BACE2: variants seen among roughly 807,000 people sequenced by gnomAD.
The protein encoded by BACE2 is beta-secretase 2.
In BACE2, 17 loss-of-function variants were observed where a neutral mutation model predicts 46.2. The observed-to-expected ratio is 0.37, with a 90% CI of 0.25 to 0.55. The LOEUF is 0.55. Among genes scored for constraint, BACE2 ranks in the 20% least tolerant of loss-of-function variants. The probability of loss-of-function intolerance (pLI) is 0.82; values close to 1 mark genes in which losing one functional copy is unlikely to be tolerated. For missense variants in BACE2, 595 were observed against 698.1 expected (o/e 0.85, Z 1.66); for synonymous variants, 277 against 295.9 (o/e 0.94, Z 0.66).
chr21:41,231,440 C>A (rs1164116709), intron 2 of BACE2, among the ~76,000 whole-genome samples: 1 of 152,198 alleles, frequency 6.6e-6, no homozygotes, highest in African/African-American at 2.4e-5. Context: ...CTTTAGGAGA[C>A]TCAGCATTCC....
chr21:41,257,172 C>T lies in BACE2; in HGVS notation c.1149C>T (p.Pro383=). 1 of 1,614,168 alleles carries T rather than the reference C, an allele frequency of 6.2e-7. No homozygotes were observed. Among genetic ancestry groups the T allele is most frequent in the African/African-American group, 1.3e-5 (1 of 75,034 alleles). Residue 383 remains proline, a synonymous_variant, in exon 8 of 9, where the codon CCC becomes CCT. Coordinates refer to ENST00000330333, the MANE Select transcript of BACE2 (RefSeq NM_012105.5). The part of the protein sequence containing the change: ...ITILPQLYIQ[P]MMGAGLNYEC... ...CCGACAAACAGCTTTACATTCAGCC[C>T]ATGATGGGGGCCGGCCTGAATTATG...
At chr21:41,205,475 C>T (rs887629046) in intron 1 of BACE2, among the ~76,000 whole-genome samples, 5 of 152,148 alleles carry the variant, frequency 3.3e-5, no homozygotes, top group Admixed American at 1.3e-4. Context: ...TTCAGCAGGT[C>T]AGTTTTAAAT....
At chr21:41,246,446 A>G (rs1219313261) in intron 6 of BACE2, among the ~76,000 whole-genome samples, 1 of 152,210 alleles carries the variant, frequency 6.6e-6, no homozygotes, top group East Asian at 1.9e-4. Flanking sequence ...ATACTTGCTA[A>G]TATAGCTATG....
chr21:41,223,975 A>T (rs888806543), intron 1 of BACE2, among the ~76,000 whole-genome samples: 1 of 152,114 alleles, frequency 6.6e-6, no homozygotes, highest in Admixed American at 6.5e-5. Context: ...GGAGATGAGA[A>T]GCACCTGTCC....
At chr21:41,225,276 C>T (rs1434797353) in intron 1 of BACE2, among the ~76,000 whole-genome samples, 1 of 151,854 alleles carries the variant, frequency 6.6e-6, no homozygotes, top group African/African-American at 2.4e-5. Context: ...CAAAAAGTTT[C>T]ACTCCTAGGT....
At chr21:41,221,556 T>G (rs970142745) in intron 1 of BACE2, among the ~76,000 whole-genome samples, 2 of 152,212 alleles carry the variant, frequency 1.3e-5, no homozygotes, top group African/African-American at 4.8e-5. Context: ...CCGGGCGCGG[T>G]GGCTCACGCC....
At chr21:41,177,194 T>G (rs1320635399) in intron 1 of BACE2, 1 of 152,252 alleles carries the variant, frequency 6.6e-6, no homozygotes, top group African/African-American at 2.4e-5. Flanking sequence ...TGTTCCAGAA[T>G]GCAGAAATCC....
chr21:41,204,774 C>T (rs889529393), intron 1 of BACE2, among the ~76,000 whole-genome samples: 10 of 152,176 alleles, frequency 6.6e-5, no homozygotes, highest in African/African-American at 2.4e-4. Flanking sequence ...TGTCATTTCT[C>T]TTCTGGGTTA....
At chr21:41,174,672 A>G (rs971012149) in intron 1 of BACE2, among the ~76,000 whole-genome samples, 11 of 152,166 alleles carry the variant, frequency 7.2e-5, no homozygotes, top group African/African-American at 2.4e-4. Flanking sequence ...TCTTGCCCCA[A>G]CCCCACACTG....
Position 41,264,415 on chromosome 21 carries a change from C to A in BACE2, c.1303+7089C>A, listed in dbSNP as rs1988018286. On this transcript the variant is annotated intron_variant, in intron 8 of 8. Coordinates refer to ENST00000330333, the MANE Select transcript of BACE2 (RefSeq NM_012105.5). The stretch of plus-strand genomic sequence containing the variant: ...CTGGGCAACTGTGTTAGTTCATTCC[C>A]ATGCTGCTATAAAGACATACTGGGA... Among the ~76,000 whole-genome samples the A allele has an allele frequency of 2.6e-5, 4 of 151,942 alleles. No individual in the cohort carries two copies. In the South Asian group the frequency reaches 8.3e-4, roughly 32 times the overall value.
chr21:41,272,127 A>G (rs534967639), intron 8 of BACE2, among the ~76,000 whole-genome samples: 9 of 152,084 alleles, frequency 5.9e-5, no homozygotes, highest in Admixed American at 1.3e-4. Context: ...CCAGTACTTT[A>G]AAGATGTTAC....
At chr21:41,248,813 G>T (rs1987551767) in intron 6 of BACE2, among the ~76,000 whole-genome samples, 1 of 152,172 alleles carries the variant, frequency 6.6e-6, no homozygotes, top group Non-Finnish European at 1.5e-5. Context: ...TGCATACAGG[G>T]GCACCCGCAT....
At position 41,173,930 on chromosome 21, in the gene BACE2, C is replaced by T. The variant is rs191239632; in HGVS notation, c.312+5355C>T. Reference sequence around the variant, plus strand: ...GCTTCAGTATTTCATGTTTTAAAGACATTATAAGGCAACCCCCTTATCAAT... The same window carrying T: ...GCTTCAGTATTTCATGTTTTAAAGATATTATAAGGCAACCCCCTTATCAAT... On this transcript the variant is annotated intron_variant, in intron 1 of 8. Coordinates refer to ENST00000330333, the MANE Select transcript of BACE2 (RefSeq NM_012105.5). 1.8e-3 allele frequency among the ~76,000 whole-genome samples: 281 copies of T among 151,968 alleles called. 3 individuals carry two copies. Among genetic ancestry groups the T allele is most frequent in the African/African-American group, 6.6e-3 (272 of 41,422 alleles).
At chr21:41,236,705 GA>G in intron 2 of BACE2, 1 of 152,368 alleles carries the variant, frequency 6.6e-6, no homozygotes, top group African/African-American at 2.4e-5. Flanking sequence ...TTGTATGTGT[GA>G]ACCTGAACTC....
At chr21:41,188,180 G>A (rs1242418132) in intron 1 of BACE2, among the ~76,000 whole-genome samples, 1 of 152,156 alleles carries the variant, frequency 6.6e-6, no homozygotes, top group Non-Finnish European at 1.5e-5. Context: ...CCTGTGGGCC[G>A]TGTTTATAGA....
At position 41,241,861 on chromosome 21, in the gene BACE2, C is replaced by G; in HGVS notation, c.661C>G (p.Gln221Glu). The part of the protein sequence containing the change: ...LETFFDSLVT[Q>E]ANIPNVFSMQ... ...GACCTTCTTCGACTCCCTGGTGACA[C>G]AAGCAAACATCCCCAACGTTTTCTC... Residue 221 changes from glutamine to glutamate, a missense_variant, in exon 4 of 9, where the codon CAA (glutamine) becomes GAA (glutamate). This residue lies in a region of BACE2 where 343 missense variants were observed against 419.4 expected (regional missense o/e 0.82). Transcript: ENST00000330333. The G allele has an allele frequency of 6.2e-7, 1 of 1,614,216 alleles. No individual in the cohort carries two copies. The highest frequency in any genetic ancestry group is 8.5e-7 in the Non-Finnish European group (1 of 1,180,024).
chr21:41,247,587 G>A (rs189143675), intron 6 of BACE2, among the ~76,000 whole-genome samples: 1 of 152,348 alleles, frequency 6.6e-6, no homozygotes, highest in Admixed American at 6.5e-5. Context: ...TCCCGAGGAC[G>A]TGTTTGAAGC....
At chr21:41,213,602 G>A (rs1272203359) in intron 1 of BACE2, among the ~76,000 whole-genome samples, 3 of 152,046 alleles carry the variant, frequency 2.0e-5, no homozygotes, top group African/African-American at 4.8e-5. Flanking sequence ...GTGAAACCCC[G>A]TCTCTACTAA....
At chr21:41,229,464 T>G (rs1171909768) in intron 2 of BACE2, among the ~76,000 whole-genome samples, 6 of 152,232 alleles carry the variant, frequency 3.9e-5, no homozygotes, top group African/African-American at 1.4e-4. Context: ...ACTTTTTTCA[T>G]GGCAGATAAA....
Sources: allele counts gnomAD v4.1 joint callset (sites outside exome capture counted in the v4.1 genomes callset), GRCh38; gene constraint gnomAD v4.1.1; regional missense constraint gnomAD v4.1.1; transcripts MANE v1.5; gene names NCBI Gene and HGNC (gene_info 2026-07-23, HGNC 2026-07-21).